CCDC102B: variants seen among roughly 807,000 people sequenced by gnomAD.
CCDC102B encodes coiled-coil domain-containing protein 102B.
Under a neutral mutation model 57.4 loss-of-function variants are expected in CCDC102B, and 75 were observed. That is an observed-to-expected ratio of 1.31 (90% CI 1.08 to 1.58). The LOEUF (loss-of-function observed/expected upper bound fraction) is 1.58, where lower values mean the gene tolerates loss of function less well. CCDC102B is among the 40% of genes most tolerant of loss of function. CCDC102B has a pLI of 0.00. For missense variants in CCDC102B, 636 were observed against 582.6 expected, an observed-to-expected ratio of 1.09 and a Z score of -0.94; for synonymous variants, 206 against 201.9, an observed-to-expected ratio of 1.02 and a Z score of -0.17.
intron 5 of CCDC102B, among the ~76,000 whole-genome samples, chr18:68,878,744 A>G (rs2039553053): frequency 6.6e-6 from 1 of 152,160 alleles, no homozygotes; most frequent in South Asian, 2.1e-4. Context: ...TACCCAGGTT[A>G]TGATATTTTG....
Position 68,855,656 on chromosome 18 carries a change from A to G in CCDC102B, c.936+9235A>G, listed in dbSNP as rs975028865. On this transcript the variant is annotated intron_variant, in intron 4 of 7. Coordinates refer to ENST00000360242, the MANE Select transcript of CCDC102B (RefSeq NM_024781.3). The stretch of plus-strand genomic sequence containing the variant: ...GTAGCCCCAAGAGCCTGAGAATACC[A>G]TTAACTAATTTTATGCTGTAGATTT... Among the ~76,000 whole-genome samples, 12 of 152,286 alleles carry G rather than the reference A, an allele frequency of 7.9e-5. No homozygotes were observed. The South Asian group carries it at 2.3e-3, about 29-fold the overall frequency.
chr18:68,945,487 T>G (rs1235857740), intron 6 of CCDC102B, among the ~76,000 whole-genome samples: 4 of 152,282 alleles, frequency 2.6e-5, no homozygotes, highest in South Asian at 2.1e-4. Flanking sequence ...AGGTTCTTAC[T>G]GAAAATTTTA....
intron 7 of CCDC102B, among the ~76,000 whole-genome samples, chr18:69,034,048 T>C (rs911364669): frequency 7.2e-5 from 11 of 152,026 alleles, no homozygotes; most frequent in Non-Finnish European, 1.2e-4. Flanking sequence ...TGGTTTGTCT[T>C]TTTATAATTT....
intron 1 of CCDC102B, among the ~76,000 whole-genome samples, chr18:68,833,513 A>G (rs1487896496): frequency 3.9e-5 from 6 of 151,974 alleles, no homozygotes; most frequent in Non-Finnish European, 5.9e-5. Context: ...AGAAAAATGT[A>G]TGCTTTGCCT....
chr18:68,867,242 G>C (rs571669145), intron 4 of CCDC102B, among the ~76,000 whole-genome samples: 5 of 152,258 alleles, frequency 3.3e-5, no homozygotes, highest in Non-Finnish European at 5.9e-5. Context: ...CGCCCGTCTC[G>C]GCCTCCCGAA....
At chr18:68,769,862 T>A (rs747963429) in intron 2 of CCDC102B, among the ~76,000 whole-genome samples, 3 of 152,188 alleles carry the variant, frequency 2.0e-5, no homozygotes, top group Non-Finnish European at 4.4e-5. Context: ...GCTTTTCTCC[T>A]GAAACAAATG....
chr18:68,957,639 T>C (rs147001304), intron 6 of CCDC102B, among the ~76,000 whole-genome samples: 3 of 152,010 alleles, frequency 2.0e-5, no homozygotes, highest in African/African-American at 7.2e-5. Context: ...TTATGTTTTA[T>C]ATTTGTGTGG....
At chr18:68,908,149 A>G (rs971614274) in intron 6 of CCDC102B, 2 of 152,142 alleles carry the variant, frequency 1.3e-5, no homozygotes, top group African/African-American at 4.8e-5. Context: ...GTCACAGTGT[A>G]AATTTTTCTT....
chr18:68,891,271 T>C (rs1274052353), intron 5 of CCDC102B, among the ~76,000 whole-genome samples: 1 of 152,358 alleles, frequency 6.6e-6, no homozygotes, highest in Non-Finnish European at 1.5e-5. Flanking sequence ...TAGAGTTCTG[T>C]GTTCACAGGT....
chr18:68,980,365 A>G (rs1169240994), intron 6 of CCDC102B, among the ~76,000 whole-genome samples: 2 of 149,238 alleles, frequency 1.3e-5, no homozygotes, highest in Non-Finnish European at 3.0e-5. Flanking sequence ...TTAGGGCCTG[A>G]TATGTCCTGT....
intron 1 of CCDC102B, among the ~76,000 whole-genome samples, chr18:68,816,663 A>G (rs961695480): frequency 6.6e-6 from 1 of 151,790 alleles, no homozygotes; most frequent in Non-Finnish European, 1.5e-5. Context: ...ACGGGGTTTC[A>G]CCATGTTAGC....
intron 5 of CCDC102B, among the ~76,000 whole-genome samples, chr18:68,893,059 A>G (rs1250122173): frequency 2.0e-5 from 3 of 152,240 alleles, no homozygotes; most frequent in Non-Finnish European, 4.4e-5. Context: ...GACTAGGTCC[A>G]TTTAAAAAGT....
At chr18:68,931,260 G>A (rs888658913) in intron 6 of CCDC102B, among the ~76,000 whole-genome samples, 1 of 151,728 alleles carries the variant, frequency 6.6e-6, no homozygotes. Flanking sequence ...AAGATGGAAG[G>A]CATTTATTGC....
intron 2 of CCDC102B, among the ~76,000 whole-genome samples, chr18:68,745,880 C>A (rs1001160465): frequency 6.6e-6 from 1 of 151,964 alleles, no homozygotes; most frequent in Non-Finnish European, 1.5e-5. Context: ...ATGTCCTGCA[C>A]GCTCATTCAT....
chr18:68,966,612 C>T (rs990255740), intron 6 of CCDC102B, among the ~76,000 whole-genome samples: 6 of 152,048 alleles, frequency 3.9e-5, no homozygotes, highest in Admixed American at 3.3e-4. Flanking sequence ...TTGCACAGTT[C>T]CCTGGAGAGA....
chr18:69,016,044 T>TC (rs1280125411), intron 7 of CCDC102B, among the ~76,000 whole-genome samples: 46 of 118,284 alleles, frequency 3.9e-4, no homozygotes, highest in African/African-American at 1.4e-3. Context: ...TTTTTTTTTT[T>TC]AGTAGAGACG....
intron 6 of CCDC102B, among the ~76,000 whole-genome samples, chr18:68,902,016 A>G (rs1257433999): frequency 6.6e-6 from 1 of 152,218 alleles, no homozygotes; most frequent in Non-Finnish European, 1.5e-5. Context: ...CTTCCAGGTG[A>G]CACTGATTCT....
At chr18:68,914,276 G>A (rs1438056862) in intron 6 of CCDC102B, among the ~76,000 whole-genome samples, 1 of 152,078 alleles carries the variant, frequency 6.6e-6, no homozygotes, top group African/African-American at 2.4e-5. Context: ...TCCCAAAGAC[G>A]CATGTGCTAG....
chr18:69,045,637 G>T (rs929225911), intron 7 of CCDC102B, among the ~76,000 whole-genome samples: 2 of 151,912 alleles, frequency 1.3e-5, no homozygotes, highest in Non-Finnish European at 2.9e-5. Context: ...TACATGTGCA[G>T]GTTTCTTACA....
Sources: allele counts gnomAD v4.1 joint callset (sites outside exome capture counted in the v4.1 genomes callset), GRCh38; gene constraint gnomAD v4.1.1; transcripts MANE v1.5; gene names NCBI Gene and HGNC (gene_info 2026-07-23, HGNC 2026-07-21).